ST6GAL1: variants seen among roughly 807,000 people sequenced by gnomAD.
ST6GAL1 encodes beta-galactoside alpha-2,6-sialyltransferase 1.
In ST6GAL1, 20 loss-of-function variants were observed where a neutral mutation model predicts 38.0. The observed-to-expected ratio is 0.53, with a 90% CI of 0.37 to 0.77. ST6GAL1 has a LOEUF of 0.77. Among genes scored for constraint, ST6GAL1 ranks in the 30% least tolerant of loss-of-function variants. The probability of loss-of-function intolerance (pLI) is 0.00; values close to 1 mark genes in which losing one functional copy is unlikely to be tolerated. For synonymous variants in ST6GAL1, 196 were observed against 188.2 expected (o/e 1.04, Z -0.34); for missense variants, 432 against 496.4 (o/e 0.87, Z 1.23).
intron 2 of ST6GAL1, among the ~76,000 whole-genome samples, chr3:186,984,569 G>T (rs563732199): frequency 6.6e-6 from 1 of 151,758 alleles, no homozygotes; most frequent in Admixed American, 6.6e-5. Context: ...CCGCAAACAC[G>T]CTTCCCCAGA....
intron 5 of ST6GAL1, among the ~76,000 whole-genome samples, chr3:187,066,356 G>A (rs1719128766): frequency 6.6e-6 from 1 of 152,032 alleles, no homozygotes; most frequent in Admixed American, 6.6e-5. Context: ...GAGCTCTGCG[G>A]GTCTCTTCTT....
intron 2 of ST6GAL1, among the ~76,000 whole-genome samples, chr3:186,980,827 A>G (rs888871358): frequency 1.3e-5 from 2 of 151,828 alleles, no homozygotes; most frequent in African/African-American, 4.8e-5. Flanking sequence ...ATGAATCTAT[A>G]CTCTAATACT....
At chr3:187,042,436 G>T (rs1159937391) in intron 3 of ST6GAL1, among the ~76,000 whole-genome samples, 1 of 152,100 alleles carries the variant, frequency 6.6e-6, no homozygotes. Flanking sequence ...GTGGAAGAGT[G>T]GAAGAGGAAG....
chr3:186,942,513 C>T (rs1229007946), intron 1 of ST6GAL1: 5 of 152,062 alleles, frequency 3.3e-5, no homozygotes, highest in Non-Finnish European at 7.4e-5. Flanking sequence ...GAGCTTCCAG[C>T]TTTAATTTTA....
intron 2 of ST6GAL1, among the ~76,000 whole-genome samples, chr3:187,023,574 C>T (rs1241030333): frequency 1.3e-5 from 2 of 152,114 alleles, no homozygotes; most frequent in East Asian, 1.9e-4. Context: ...GATGAGTTCA[C>T]GTCCTTTGTA....
chr3:187,022,474 A>C (rs534518847), intron 2 of ST6GAL1, among the ~76,000 whole-genome samples: 1 of 152,196 alleles, frequency 6.6e-6, no homozygotes, highest in African/African-American at 2.4e-5. Context: ...ACTTGAAGTC[A>C]GTAGGAAGGA....
intron 6 of ST6GAL1, 44 bp downstream of exon 6, chr3:187,072,991 G>A (rs772184000): frequency 2.0e-6 from 3 of 1,476,130 alleles, no homozygotes; most frequent in South Asian, 2.3e-5. Context: ...TTTCCTGTCT[G>A]TCTACAGATT....
chr3:186,935,776 G>C (rs1007608033), intron 1 of ST6GAL1, among the ~76,000 whole-genome samples: 1 of 152,080 alleles, frequency 6.6e-6, no homozygotes, highest in African/African-American at 2.4e-5. Flanking sequence ...CATGTGCTCA[G>C]ATTAGAAGAC....
At position 187,061,497 on chromosome 3, in the gene ST6GAL1, G is replaced by A. The variant is rs115670890; in HGVS notation, c.705+10151G>A. Among the ~76,000 whole-genome samples the A allele has an allele frequency of 4.3e-3, 655 of 152,080 alleles. 12 individuals are homozygous for A. Among genetic ancestry groups the A allele is most frequent in the African/African-American group, 0.015 (612 of 41,416 alleles). On this transcript the variant is annotated intron_variant, in intron 5 of 7. Coordinates refer to ENST00000169298, the MANE Select transcript of ST6GAL1 (RefSeq NM_173216.2). ...AAAAAATACATATGTTACAATAATCGAGAGAGTGAGGTACAAAGACAAACA... is the reference window on the plus strand; with the variant it reads ...AAAAAATACATATGTTACAATAATCAAGAGAGTGAGGTACAAAGACAAACA...
At chr3:187,074,119 C>G (rs760897108) in intron 6 of ST6GAL1, 40 bp from the exon 7 acceptor site, 1 of 1,547,282 alleles carries the variant, frequency 6.5e-7, no homozygotes, top group South Asian at 1.3e-5. Flanking sequence ...AGCTCACTGG[C>G]CCATTTCTCC....
At chr3:187,011,323 C>G (rs902874598) in intron 2 of ST6GAL1, among the ~76,000 whole-genome samples, 2 of 152,210 alleles carry the variant, frequency 1.3e-5, no homozygotes, top group African/African-American at 4.8e-5. Context: ...TTCTCTTCCT[C>G]GTTCTTCACT....
chr3:187,012,734 T>C (rs4396886), intron 2 of ST6GAL1, among the ~76,000 whole-genome samples: 112,599 of 152,180 alleles, frequency 0.74, 42,210 homozygotes, highest in East Asian at 0.9. Flanking sequence ...CCAGCCTGCC[T>C]GTGATTTCTC....
intron 2 of ST6GAL1, among the ~76,000 whole-genome samples, chr3:187,004,594 C>T (rs370800090): frequency 2.0e-4 from 31 of 152,110 alleles, no homozygotes; most frequent in Admixed American, 5.9e-4. Context: ...GAGTCGGGAG[C>T]GAGAATGATG....
intron 1 of ST6GAL1, among the ~76,000 whole-genome samples, chr3:186,944,351 G>T (rs1714283275): frequency 6.6e-6 from 1 of 152,176 alleles, no homozygotes; most frequent in Non-Finnish European, 1.5e-5. Context: ...GAGTTGGGAA[G>T]GTGGAGGGCA....
At chr3:187,002,994 C>G (rs1027061029) in intron 2 of ST6GAL1, among the ~76,000 whole-genome samples, 3 of 152,174 alleles carry the variant, frequency 2.0e-5, no homozygotes, top group African/African-American at 7.2e-5. Flanking sequence ...TGGAAACTGA[C>G]AATTACCAAG....
intron 2 of ST6GAL1, among the ~76,000 whole-genome samples, chr3:187,005,269 CTTTTTTT>C (rs58085172): frequency 2.9e-5 from 3 of 103,956 alleles, no homozygotes; most frequent in Non-Finnish European, 4.0e-5. Flanking sequence ...TTTTCTTTTT[CTTTTTTT>C]TTTTTTTTTT....
At chr3:186,993,740 T>C (rs970713176) in intron 2 of ST6GAL1, among the ~76,000 whole-genome samples, 1 of 152,166 alleles carries the variant, frequency 6.6e-6, no homozygotes, top group Non-Finnish European at 1.5e-5. Context: ...TTTGTCACTT[T>C]CTAGCTGTGT....
At chr3:187,059,622 T>G (rs961264695) in intron 5 of ST6GAL1, among the ~76,000 whole-genome samples, 31 of 152,206 alleles carry the variant, frequency 2.0e-4, no homozygotes, top group Non-Finnish European at 2.1e-4. Flanking sequence ...ATCATCAAGT[T>G]ACTTCTCTCT....
chr3:187,031,718 A>G (rs114560903), intron 2 of ST6GAL1, among the ~76,000 whole-genome samples: 70 of 152,324 alleles, frequency 4.6e-4, no homozygotes, highest in African/African-American at 1.7e-3. Flanking sequence ...TACAGGCATG[A>G]GCCACAGTAC....
Sources: allele counts gnomAD v4.1 joint callset (sites outside exome capture counted in the v4.1 genomes callset), GRCh38; gene constraint gnomAD v4.1.1; transcripts MANE v1.5; gene names NCBI Gene and HGNC (gene_info 2026-07-23, HGNC 2026-07-21).